The following NUDT9 variants were observed in gnomAD, a reference collection of about 807,000 sequenced individuals.
NUDT9 encodes ADP-ribose pyrophosphatase.
A neutral mutation model predicts 41.0 loss-of-function variants in NUDT9; 31 were observed. That is an observed-to-expected ratio of 0.76 (90% CI 0.57 to 1.02). The LOEUF (loss-of-function observed/expected upper bound fraction) is 1.02. NUDT9 is among the 50% of genes least tolerant of loss of function. The probability of loss-of-function intolerance (pLI) is 0.00; values close to 1 mark genes in which losing one functional copy is unlikely to be tolerated. For missense variants in NUDT9, 380 were observed against 431.4 expected, an observed-to-expected ratio of 0.88 and a Z score of 1.06; for synonymous variants, 146 against 147.6, an observed-to-expected ratio of 0.99 and a Z score of 0.08.
chr4:87,435,067 C>T lies in NUDT9; in HGVS notation c.194C>T (p.Ala65Val). The change falls in exon 2 of 8, where the codon GCT becomes GTT. Residue 65 changes from alanine (A) to valine (V), a missense_variant. Ala to Val is a moderately conservative substitution (Grantham distance 64). Transcript: ENST00000302174. The stretch of plus-strand genomic sequence containing the variant: ...TCCAAAGAAAATTCTCACAATAAGG[C>T]TCGGACGTCTCCTTACCCAGGTTCA... Reference protein sequence around the residue: ...NGSKENSHNKARTSPYPGSKV... With the variant: ...NGSKENSHNKVRTSPYPGSKV... 1.9e-6 allele frequency: 3 copies of T among 1,614,136 alleles called. No homozygotes were observed. Among genetic ancestry groups the T allele is most frequent in the Non-Finnish European group, 2.5e-6 (3 of 1,180,032 alleles).
intron 4 of NUDT9, among the ~76,000 whole-genome samples, chr4:87,443,043 T>C (rs1311086679): frequency 1.3e-5 from 2 of 152,174 alleles, no homozygotes; most frequent in Admixed American, 1.3e-4. Flanking sequence ...CTGTATGTGA[T>C]TGTACTCTTA....
rs776140801 is a variant in NUDT9, at chr4:87,434,947, A to G, written c.108-34A>G. ...GTTCTTTAATTAATATATTTTTGGT[A>G]TTTATGTAAAATGTTTTTCTTTTTC... On this transcript the variant is annotated intron_variant, in intron 1 of 7. Transcript: ENST00000302174. The G allele has an allele frequency of 3.8e-6, 6 of 1,572,490 alleles. No individual in the cohort carries two copies. The South Asian group carries it at 5.8e-5, about 15-fold the overall frequency.
chr4:87,442,039 A>G (rs1426246390), intron 4 of NUDT9, 124 bp downstream of exon 4: 1 of 644,144 alleles, frequency 1.6e-6, no homozygotes, highest in African/African-American at 1.9e-5. Context: ...GTTTGTATAT[A>G]TATGTATGTA....
At position 87,449,126 on chromosome 4, in the gene NUDT9, A is replaced by G. The variant is rs1461222168; in HGVS notation, c.531-16A>G. On this transcript the variant is annotated splice_polypyrimidine_tract_variant and intron_variant, in intron 4 of 7. Transcript: ENST00000302174. Reference sequence around the variant, plus strand: ...TTTGTTGTAAATCCGTTATGATTTTATATTACTATTCACAGATGGAAAAGG... The same window carrying G: ...TTTGTTGTAAATCCGTTATGATTTTGTATTACTATTCACAGATGGAAAAGG... The G allele has an allele frequency of 1.4e-6, 2 of 1,395,886 alleles. No individual in the cohort carries two copies. The highest frequency in any genetic ancestry group is 2.0e-6 in the Non-Finnish European group (2 of 984,162). 86.5% of individuals were successfully genotyped at this position (1,395,886 alleles called of 1,614,324 possible).
intron 2 of NUDT9, among the ~76,000 whole-genome samples, chr4:87,436,015 G>GCTC (rs1319864759): frequency 1.5e-5 from 2 of 135,736 alleles, no homozygotes; most frequent in Non-Finnish European, 3.4e-5. Context: ...TTTGAGACTG[G>GCTC]TGCTCTCTCT....
chr4:87,438,481 T>C, intron 3 of NUDT9, 109 bp downstream of exon 3: 3 of 591,228 alleles, frequency 5.1e-6, no homozygotes, highest in Non-Finnish European at 9.4e-6. Context: ...CAAATTTATT[T>C]ACATATGTGA....
chr4:87,450,898 A>G (rs1213732079), intron 5 of NUDT9, among the ~76,000 whole-genome samples: 3 of 152,244 alleles, frequency 2.0e-5, no homozygotes, highest in East Asian at 3.8e-4. Context: ...TGAGAATACA[A>G]CAGAGCAACA....
intron 3 of NUDT9, among the ~76,000 whole-genome samples, chr4:87,439,867 T>G (rs747428760): frequency 2.6e-5 from 4 of 152,176 alleles, no homozygotes; most frequent in African/African-American, 9.6e-5. Context: ...AATTAGCATG[T>G]ACCAAATAAA....
At chr4:87,442,065 C>T (rs35607673) in intron 4 of NUDT9, 150 bp downstream of exon 4, 139,236 of 569,684 alleles carry the variant, frequency 0.24, 18,901 homozygotes, top group Admixed American at 0.32. Flanking sequence ...TCATGCATTG[C>T]TTAACAATGA....
rs1481934078 is a variant in NUDT9 at position 87,452,808 on chromosome 4, A to AG, written c.789+1074dup. Among the ~76,000 whole-genome samples, 42 of 119,080 alleles carry AG rather than the reference A, an allele frequency of 3.5e-4. No homozygotes were observed. In the East Asian group the frequency reaches 6.9e-3, roughly 20 times the overall value. The allele number at this position is 119,080 out of a possible 152,430, so 78.1% of individuals were successfully genotyped here. On this transcript the variant is annotated intron_variant, in intron 6 of 7. Coordinates refer to ENST00000302174, the MANE Select transcript of NUDT9 (RefSeq NM_024047.5). The stretch of plus-strand genomic sequence containing the variant: ...CACACTAATAATAAGAAAATAACAG[A>AG]GTTTTTTTTTTTTTTTTTTTTGAGA...
intron 4 of NUDT9, among the ~76,000 whole-genome samples, chr4:87,447,908 T>C (rs1722531075): frequency 6.6e-6 from 1 of 151,874 alleles, no homozygotes; most frequent in Non-Finnish European, 1.5e-5. Flanking sequence ...GGCCCACGCC[T>C]GTAGTCCTAG....
rs757402281 is a variant in NUDT9 at position 87,441,811 on chromosome 4, C to CT, written c.444-11dup. On this transcript the variant is annotated splice_polypyrimidine_tract_variant and intron_variant, in intron 3 of 7. Coordinates refer to ENST00000302174, the MANE Select transcript of NUDT9 (RefSeq NM_024047.5). ...ATGAACACATTCAATTGATTTTATG[C>CT]TTTTTTTGTTTTTCCAGAAATCCTG... The CT allele has an allele frequency of 2.5e-6, 4 of 1,602,470 alleles. No individual in the cohort carries two copies. The highest frequency in any genetic ancestry group is 1.7e-5 in the Admixed American group (1 of 59,432).
chr4:87,453,994 G>C (rs1722874818), intron 6 of NUDT9, among the ~76,000 whole-genome samples: 1 of 151,308 alleles, frequency 6.6e-6, no homozygotes, highest in African/African-American at 2.4e-5. Flanking sequence ...CGAGTAGCCG[G>C]GACTACAGGC....
chr4:87,446,780 T>C (rs202190558), intron 4 of NUDT9, among the ~76,000 whole-genome samples: 1 of 152,180 alleles, frequency 6.6e-6, no homozygotes, highest in East Asian at 1.9e-4. Flanking sequence ...GATAAATACA[T>C]TAAAGCACTT....
intron 5 of NUDT9, 38 bp from the exon 6 acceptor site, chr4:87,451,551 C>T: frequency 6.4e-7 from 1 of 1,562,742 alleles, no homozygotes; most frequent in Non-Finnish European, 8.7e-7. Context: ...CAAATCAAAG[C>T]TGATCCCTTT....
At chr4:87,443,715 G>C (rs1196153406) in intron 4 of NUDT9, among the ~76,000 whole-genome samples, 2 of 152,208 alleles carry the variant, frequency 1.3e-5, no homozygotes, top group South Asian at 2.1e-4. Flanking sequence ...CTTGGGTAGG[G>C]AGACAGCAGG....
At chr4:87,444,782 T>C (rs1722372888) in intron 4 of NUDT9, among the ~76,000 whole-genome samples, 1 of 152,174 alleles carries the variant, frequency 6.6e-6, no homozygotes, top group African/African-American at 2.4e-5. Context: ...TAGACTTTTT[T>C]AGCTTAACTT....
chr4:87,437,265 A>G (rs1269204795), intron 2 of NUDT9, among the ~76,000 whole-genome samples: 37 of 134,728 alleles, frequency 2.7e-4, no homozygotes, highest in Non-Finnish European at 8.3e-5. Flanking sequence ...AAAAAAAAAA[A>G]AAAGAAAGAA....
rs1162820099 is a variant in NUDT9 at position 87,434,866 on chromosome 4, A to G, written c.108-115A>G. 4.8e-6 allele frequency: 4 copies of G among 836,686 alleles called. No homozygotes were observed. In the African/African-American group the frequency reaches 6.9e-5, roughly 14 times the overall value. 51.8% of individuals were successfully genotyped at this position (836,686 alleles called of 1,614,324 possible). A position where few individuals can be genotyped will look rare whatever the true frequency, so the allele number is the denominator to read the frequency against. On this transcript the variant is annotated intron_variant, in intron 1 of 7. Transcript: ENST00000302174. The stretch of plus-strand genomic sequence containing the variant: ...ACCCCTAACCTCAGGTGATCCACCT[A>G]CCTCGGCCTCACAAAGTGCTGGGAT...
Sources: allele counts gnomAD v4.1 joint callset (sites outside exome capture counted in the v4.1 genomes callset), GRCh38; gene constraint gnomAD v4.1.1; transcripts MANE v1.5; gene names NCBI Gene and HGNC (gene_info 2026-07-23, HGNC 2026-07-21).